Variants in PPARA observed in about 807,000 individuals in gnomAD.
The protein encoded by PPARA is peroxisome proliferator-activated receptor alpha.
A neutral mutation model predicts 42.2 loss-of-function variants in PPARA; 22 were observed. That is an observed-to-expected ratio of 0.52 (90% confidence interval 0.37 to 0.74). The LOEUF (loss-of-function observed/expected upper bound fraction) is 0.74. Ranked by LOEUF, PPARA falls within the 30% of genes least tolerant of loss-of-function variation. The pLI, the probability that PPARA is intolerant of heterozygous loss-of-function variation, is 0.00. For synonymous variants in PPARA, 242 were observed against 239.3 expected (o/e 1.01, Z -0.10); for missense variants, 465 against 608.2 (o/e 0.76, Z 2.48).
At chr22:46,179,768 G>T (rs1244902729) in intron 3 of PPARA, among the ~76,000 whole-genome samples, 1 of 151,956 alleles carries the variant, frequency 6.6e-6, no homozygotes, top group Admixed American at 6.6e-5. Context: ...TTAGGAGAAT[G>T]AAAACACAAG....
In PPARA at chr22:46,230,201, G is replaced by A. The variant is rs993596485; in HGVS notation, c.712-1591G>A. 9.2e-5 allele frequency among the ~76,000 whole-genome samples: 14 copies of A among 152,216 alleles called. 1 individual carries two copies. Among genetic ancestry groups the A allele is most frequent in the Middle Eastern group, 3.4e-3 (1 of 294 alleles). ...AGCCTGACCAACATGGTGTAACCCC[G>A]TCTCTACTAAAAATACAAAATTAGC... On this transcript the variant is annotated intron_variant, in intron 7 of 8. Coordinates refer to ENST00000407236, the MANE Select transcript of PPARA (RefSeq NM_005036.6). This position sits in a 1 kb window ranked among gnomAD's most constrained non-coding sequence, Gnocchi z 5.0.
rs34036883 is a variant in PPARA, at chr22:46,233,005, T to TACACAC, written c.1159+782_1159+787dup. On this transcript the variant is annotated intron_variant, in intron 8 of 8. Coordinates refer to ENST00000407236, the MANE Select transcript of PPARA (RefSeq NM_005036.6). This position sits in a 1 kb window ranked among gnomAD's most constrained non-coding sequence, Gnocchi z 7.3. ...TCAAAAAAAAAAAAAAAAAAAATTA[T>TACACAC]ACACACACACACACACACACATTTC... 5.0e-5 allele frequency among the ~76,000 whole-genome samples: 7 copies of TACACAC among 138,736 alleles called. No homozygotes were observed. Among genetic ancestry groups the TACACAC allele is most frequent in the African/African-American group, 1.9e-4 (7 of 37,208 alleles). The allele number at this position is 138,736 out of a possible 152,430, so 91.0% of individuals were successfully genotyped here. A position where few individuals can be genotyped will look rare whatever the true frequency, so the allele number is the denominator to read the frequency against.
chr22:46,152,170 G>A (rs1041775657), intron 2 of PPARA, among the ~76,000 whole-genome samples, 200 bp downstream of exon 2: 1 of 126,032 alleles, frequency 7.9e-6, no homozygotes, highest in Admixed American at 1.0e-4. Flanking sequence ...ACGGAGTCTC[G>A]CTCTGCCGCC....
intron 3 of PPARA, among the ~76,000 whole-genome samples, chr22:46,181,355 C>T (rs1255043644): frequency 1.3e-5 from 2 of 152,102 alleles, no homozygotes; most frequent in Non-Finnish European, 1.5e-5. Context: ...ATACAGCTGA[C>T]AGGAGCTGCC....
rs1363561075 is a variant in PPARA at position 46,160,919 on chromosome 22, A to C, written c.-127+8949A>C. ...GCCCAGTATTTTTCTTTCACTCTGG[A>C]AACCAAAAATTATTGGCTTTTTTTC... On this transcript the variant is annotated intron_variant, in intron 2 of 8. Coordinates refer to ENST00000407236, the MANE Select transcript of PPARA (RefSeq NM_005036.6). The surrounding 1 kb of genome is among the most constrained non-coding windows in gnomAD (Gnocchi z 4.5). 1.3e-5 allele frequency among the ~76,000 whole-genome samples: 2 copies of C among 152,228 alleles called. No individual in the cohort carries two copies. Among genetic ancestry groups the C allele is most frequent in the African/African-American group, 4.8e-5 (2 of 41,458 alleles).
rs1298626353 is a variant in PPARA, at chr22:46,191,420, C to A, written c.-42-6922C>A. Reference sequence around the variant, plus strand: ...ATCACAGGACGCTTCCCAAGCTCTGCAACTGTTGCTCCTGAGGAAGGGAGT... The same window carrying A: ...ATCACAGGACGCTTCCCAAGCTCTGAAACTGTTGCTCCTGAGGAAGGGAGT... On this transcript the variant is annotated intron_variant, in intron 3 of 8. Transcript: ENST00000407236. The surrounding 1 kb of genome is among the most constrained non-coding windows in gnomAD (Gnocchi z 4.6). Among the ~76,000 whole-genome samples, 1 of 151,872 alleles carries A rather than the reference C, an allele frequency of 6.6e-6. No homozygotes were observed. Among genetic ancestry groups the A allele is most frequent in the African/African-American group, 2.4e-5 (1 of 41,356 alleles).
At chr22:46,174,126 C>T (rs770990542) in intron 2 of PPARA, among the ~76,000 whole-genome samples, 18 of 149,494 alleles carry the variant, frequency 1.2e-4, no homozygotes, top group African/African-American at 2.0e-4. Flanking sequence ...TACAGTGAGC[C>T]GAGATTGCAC....
At chr22:46,174,378 A>G (rs1928685019) in intron 2 of PPARA, among the ~76,000 whole-genome samples, 1 of 152,024 alleles carries the variant, frequency 6.6e-6, no homozygotes, top group African/African-American at 2.4e-5. Flanking sequence ...TCTATAAGTG[A>G]AAGTACTTCC....
intron 2 of PPARA, among the ~76,000 whole-genome samples, chr22:46,153,791 G>A (rs1215668130): frequency 1.3e-5 from 2 of 152,018 alleles, no homozygotes; most frequent in Non-Finnish European, 2.9e-5. Flanking sequence ...CCCGGGAGGT[G>A]GAGGTTGCAG....
At chr22:46,213,325 A>G (rs533716688) in intron 4 of PPARA, among the ~76,000 whole-genome samples, 2 of 151,794 alleles carry the variant, frequency 1.3e-5, no homozygotes, top group African/African-American at 2.4e-5. Context: ...GCATTGTTTC[A>G]TATGCTTACT....
In PPARA at chr22:46,211,352, T is replaced by A. The variant is rs1191946964; in HGVS notation, c.209-3821T>A. Among the ~76,000 whole-genome samples, 1 of 152,204 alleles carries A rather than the reference T, an allele frequency of 6.6e-6. No homozygotes were observed. Among genetic ancestry groups the A allele is most frequent in the Non-Finnish European group, 1.5e-5 (1 of 68,024 alleles). On this transcript the variant is annotated intron_variant, in intron 4 of 8. Transcript: ENST00000407236. This position sits in a 1 kb window ranked among gnomAD's most constrained non-coding sequence, Gnocchi z 4.1. ...ACCTGCACAGTGGTATCAGAACTGT[T>A]AACCCACACCCTGTGGGAAAAAAAC...
chr22:46,235,554 C>A lies in PPARA; in HGVS notation c.*174C>A, dbSNP rs4253800. 7,888 of 840,060 alleles carry A rather than the reference C, an allele frequency of 9.4e-3. 53 individuals carry two copies. Among genetic ancestry groups the A allele is most frequent in the Non-Finnish European group, 0.011 (5,978 of 542,162 alleles). The allele number at this position is 840,060 out of a possible 1,614,324, so 52.0% of individuals were successfully genotyped here. A position where few individuals can be genotyped will look rare whatever the true frequency, so the allele number is the denominator to read the frequency against. ...TTCCATATCTTTGTTTTAACCAGTA[C>A]TTCTAAGAGCATAGAACTCAAATGC... On this transcript the variant is annotated 3_prime_UTR_variant, in exon 9 of 9. Transcript: ENST00000407236. This position sits in a 1 kb window ranked among gnomAD's most constrained non-coding sequence, Gnocchi z 7.0.
intron 2 of PPARA, among the ~76,000 whole-genome samples, chr22:46,174,678 A>G (rs1304361475): frequency 6.6e-6 from 1 of 152,062 alleles, no homozygotes; most frequent in Non-Finnish European, 1.5e-5. Flanking sequence ...TTATCCAGGC[A>G]TCATGGTTCG....
At chr22:46,228,756 C>T (rs1935652020) in intron 7 of PPARA, among the ~76,000 whole-genome samples, 1 of 151,986 alleles carries the variant, frequency 6.6e-6, no homozygotes, top group African/African-American at 2.4e-5. Context: ...GCTAGGGAGG[C>T]CCAACTTCAT....
intron 4 of PPARA, among the ~76,000 whole-genome samples, chr22:46,202,078 C>T (rs929792630): frequency 1.7e-4 from 26 of 151,862 alleles, no homozygotes; most frequent in African/African-American, 4.1e-4. Flanking sequence ...GTGTGAGCTG[C>T]GGGAGTGGGT....
rs930671427 is a variant in PPARA, at chr22:46,211,528, G to A, written c.209-3645G>A. ...GTTTCCTACATTCGTAGCACAGTTA[G>A]ATTGTTTTGTTACATTCTGCATTTC... On this transcript the variant is annotated intron_variant, in intron 4 of 8. Coordinates refer to ENST00000407236, the MANE Select transcript of PPARA (RefSeq NM_005036.6). This position sits in a 1 kb window ranked among gnomAD's most constrained non-coding sequence, Gnocchi z 4.1. 6.6e-6 allele frequency among the ~76,000 whole-genome samples: 1 copy of A among 152,160 alleles called. No homozygotes were observed. The highest frequency in any genetic ancestry group is 6.5e-5 in the Admixed American group (1 of 15,268).
Position 46,218,285 on chromosome 22 carries a change from G to T in PPARA, c.392G>T (p.Arg131Leu), listed in dbSNP as rs549236046. The change falls in exon 6 of 9, where the codon CGA becomes CTA. Residue 131 changes from arginine (R) to leucine (L), a missense_variant. Physicochemically the swap from Arg to Leu is moderately radical, Grantham distance 102 (BLOSUM62 -2). Coordinates refer to ENST00000407236, the MANE Select transcript of PPARA (RefSeq NM_005036.6). ...CAGGGCTTCTTTCGGCGAACGATTC[G>T]ACTCAAGCTGGTGTATGACAAGTGC... The part of the protein sequence containing the change: ...GCKGFFRRTI[R>L]LKLVYDKCDR... 3 of 1,613,958 alleles carry T rather than the reference G, an allele frequency of 1.9e-6. No individual in the cohort carries two copies. The highest frequency in any genetic ancestry group is 2.5e-6 in the Non-Finnish European group (3 of 1,180,010).
At chr22:46,178,168 T>C (rs920744527) in intron 3 of PPARA, among the ~76,000 whole-genome samples, 2 of 152,160 alleles carry the variant, frequency 1.3e-5, no homozygotes, top group African/African-American at 4.8e-5. Context: ...ACTTTGAAAT[T>C]TAAAACAATA....
rs535105999 is a variant in PPARA, at chr22:46,173,204, T to C, written c.-126-3549T>C. ...TCGGGTAGATGTTGTGGCTGTTCTTTTCACTCTCTTATTTGGGGATTTACA... is the reference window on the plus strand; with the variant it reads ...TCGGGTAGATGTTGTGGCTGTTCTTCTCACTCTCTTATTTGGGGATTTACA... On this transcript the variant is annotated intron_variant, in intron 2 of 8. Transcript: ENST00000407236. This position sits in a 1 kb window ranked among gnomAD's most constrained non-coding sequence, Gnocchi z 4.3. 2.0e-5 allele frequency among the ~76,000 whole-genome samples: 3 copies of C among 152,366 alleles called. No homozygotes were observed. In the South Asian group the frequency reaches 6.2e-4, roughly 32 times the overall value.
Sources: gnomAD v4.1 joint callset for allele counts (sites outside exome capture counted in the v4.1 genomes callset) on GRCh38, gnomAD v4.1.1 for gene constraint, Gnocchi (gnomAD v3.1) non-coding constraint, MANE v1.5 for transcripts, NCBI Gene and HGNC (gene_info 2026-07-23, HGNC 2026-07-21) for gene names.